The following ELMO1 variants were observed in gnomAD, a reference collection of about 807,000 sequenced individuals.
ELMO1 encodes the protein engulfment and cell motility 1.
Under a neutral mutation model 98.9 loss-of-function variants are expected in ELMO1, and 26 were observed. The observed-to-expected ratio is 0.26, with a 90% CI of 0.19 to 0.36. ELMO1 has a LOEUF of 0.36. Among genes scored for constraint, ELMO1 ranks in the 10% least tolerant of loss-of-function variants. ELMO1 has a pLI of 1.00. For missense variants in ELMO1, 627 were observed against 935.2 expected, an observed-to-expected ratio of 0.67 and a Z score of 4.30; for synonymous variants, 346 against 346.0, an observed-to-expected ratio of 1.00 and a Z score of 0.00.
chr7:37,336,113 G>A (rs532003857), intron 2 of ELMO1, among the ~76,000 whole-genome samples: 3 of 152,096 alleles, frequency 2.0e-5, no homozygotes, highest in Non-Finnish European at 4.4e-5. Context: ...TGTAATCTCA[G>A]CTACTCGAGA....
chr7:37,011,224 G>A (rs1793529067), intron 16 of ELMO1, among the ~76,000 whole-genome samples: 1 of 152,170 alleles, frequency 6.6e-6, no homozygotes, highest in African/African-American at 2.4e-5. Context: ...TGACACTCTG[G>A]GGGGCTTGCT....
chr7:37,344,386 T>C (rs1023517762), intron 1 of ELMO1, among the ~76,000 whole-genome samples: 1 of 152,194 alleles, frequency 6.6e-6, no homozygotes, highest in African/African-American at 2.4e-5. Context: ...CCTTCTATGT[T>C]AGTACAAAGA....
intron 6 of ELMO1, among the ~76,000 whole-genome samples, chr7:37,255,262 G>C (rs1052698193): frequency 6.6e-6 from 1 of 152,116 alleles, no homozygotes; most frequent in African/African-American, 2.4e-5. Flanking sequence ...TATAAGAAAA[G>C]GAGATTTGAA....
chr7:37,217,345 TC>T (rs2130487752), intron 10 of ELMO1, among the ~76,000 whole-genome samples: 1 of 152,148 alleles, frequency 6.6e-6, no homozygotes, highest in Admixed American at 6.5e-5. Context: ...ATGCACAGAG[TC>T]CCTTTATAAA....
At chr7:37,322,049 G>A (rs1045233627) in intron 2 of ELMO1, among the ~76,000 whole-genome samples, 2 of 151,548 alleles carry the variant, frequency 1.3e-5, no homozygotes, top group Non-Finnish European at 2.9e-5. Context: ...TAGTAGAGAC[G>A]GGGTTTCACT....
Position 37,378,839 on chromosome 7 carries a change from G to A in ELMO1, c.-73-36076C>T, listed in dbSNP as rs373522334. Among the ~76,000 whole-genome samples, 24 of 151,638 alleles carry A rather than the reference G, an allele frequency of 1.6e-4. No homozygotes were observed. In the East Asian group the frequency reaches 3.9e-3, roughly 25 times the overall value. ...TCCAAACCTATCTTCTCCTTTCACC[G>A]CTACTGCCACCATCACTTTTGCTTG... On this transcript the variant is annotated intron_variant, in intron 1 of 21. Transcript: ENST00000310758.
At chr7:37,341,764 G>A (rs893119603) in intron 2 of ELMO1, among the ~76,000 whole-genome samples, 2 of 152,194 alleles carry the variant, frequency 1.3e-5, no homozygotes, top group Non-Finnish European at 2.9e-5. Flanking sequence ...GATTGGAGTT[G>A]CCATGGTTAT....
At chr7:37,291,071 C>T (rs935352380) in intron 4 of ELMO1, among the ~76,000 whole-genome samples, 1 of 151,972 alleles carries the variant, frequency 6.6e-6, no homozygotes, top group African/African-American at 2.4e-5. Context: ...TTCACAAAAC[C>T]TTGACATATG....
intron 13 of ELMO1, among the ~76,000 whole-genome samples, chr7:37,145,863 G>C (rs1237247134): frequency 2.0e-5 from 3 of 152,178 alleles, no homozygotes; most frequent in Non-Finnish European, 4.4e-5. Flanking sequence ...GCTATTTCTT[G>C]AGGCTGGTGG....
At chr7:37,086,442 T>C (rs1339368158) in intron 15 of ELMO1, among the ~76,000 whole-genome samples, 2 of 151,436 alleles carry the variant, frequency 1.3e-5, no homozygotes, top group Non-Finnish European at 2.9e-5. Flanking sequence ...TAGATGAACC[T>C]GGGTGAATGA....
chr7:37,150,915 A>AG (rs1348256133), intron 13 of ELMO1, among the ~76,000 whole-genome samples: 1 of 152,244 alleles, frequency 6.6e-6, no homozygotes, highest in African/African-American at 2.4e-5. Flanking sequence ...GGAGAACATG[A>AG]GAAACAGTTT....
intron 2 of ELMO1, among the ~76,000 whole-genome samples, chr7:37,336,600 A>G (rs1583577352): frequency 6.6e-6 from 1 of 152,302 alleles, no homozygotes; most frequent in Non-Finnish European, 1.5e-5. Context: ...CCAGGAAGGA[A>G]ACAATCCCAG....
intron 13 of ELMO1, among the ~76,000 whole-genome samples, chr7:37,143,770 G>T (rs1563031893): frequency 6.8e-6 from 1 of 147,944 alleles, no homozygotes; most frequent in Non-Finnish European, 1.5e-5. Flanking sequence ...GAGTGCAGTG[G>T]CATGATCTCG....
At chr7:37,250,108 G>T (rs893411876) in intron 6 of ELMO1, among the ~76,000 whole-genome samples, 3 of 152,074 alleles carry the variant, frequency 2.0e-5, no homozygotes, top group Admixed American at 1.3e-4. Context: ...TAAAATAAAA[G>T]TTCAGAGAAA....
intron 15 of ELMO1, among the ~76,000 whole-genome samples, chr7:37,058,382 CT>C (rs1051838929): frequency 6.6e-6 from 1 of 152,116 alleles, no homozygotes; most frequent in Non-Finnish European, 1.5e-5. Flanking sequence ...TTTAAATTCA[CT>C]TAAAAAACCT....
chr7:37,037,663 T>C (rs1014580523), intron 15 of ELMO1, among the ~76,000 whole-genome samples: 1 of 152,176 alleles, frequency 6.6e-6, no homozygotes, highest in African/African-American at 2.4e-5. Context: ...TAGTATCAAG[T>C]GAGCTGGGGT....
At chr7:37,423,602 A>C (rs1007792918) in intron 1 of ELMO1, among the ~76,000 whole-genome samples, 3 of 152,076 alleles carry the variant, frequency 2.0e-5, no homozygotes, top group African/African-American at 7.2e-5. Flanking sequence ...CAAACAAACA[A>C]ACAAACAAAC....
chr7:37,062,894 TTCCA>T (rs1342234583), intron 15 of ELMO1, among the ~76,000 whole-genome samples: 18 of 152,110 alleles, frequency 1.2e-4, no homozygotes, highest in African/African-American at 4.3e-4. Context: ...GCAGGCTACT[TTCCA>T]GGAAAAGAAA....
chr7:36,855,537 T>C lies in ELMO1; in HGVS notation c.*14A>G. 6.2e-7 allele frequency: 1 copy of C among 1,613,752 alleles called. No individual in the cohort carries two copies. The highest frequency in any genetic ancestry group is 1.3e-5 in the African/African-American group (1 of 75,050). On this transcript the variant is annotated 3_prime_UTR_variant, in exon 22 of 22. Coordinates refer to ENST00000310758, the MANE Select transcript of ELMO1 (RefSeq NM_014800.11). The surrounding 1 kb of genome is among the most constrained non-coding windows in gnomAD (Gnocchi z 4.2). Reference sequence around the variant, plus strand: ...GTTCCAGTTTTGGAAGGGGCATGTCTGGGCCCGGCCACTTCAGTTACAGTC... The same window carrying C: ...GTTCCAGTTTTGGAAGGGGCATGTCCGGGCCCGGCCACTTCAGTTACAGTC...
Sources: gnomAD v4.1 joint callset for allele counts (sites outside exome capture counted in the v4.1 genomes callset) on GRCh38, gnomAD v4.1.1 for gene constraint, Gnocchi (gnomAD v3.1) non-coding constraint, MANE v1.5 for transcripts, NCBI Gene and HGNC (gene_info 2026-07-23, HGNC 2026-07-21) for gene names.